DHRSX: variants seen among roughly 807,000 people sequenced by gnomAD.
DHRSX encodes dehydrogenase/reductase X-linked, also known as polyprenol dehydrogenase.
DHRSX carries 31 observed loss-of-function variants against 34.0 expected under a neutral mutation model. The ratio of observed to expected loss-of-function variants is 0.91; its 90% CI spans 0.69 to 1.23. The LOEUF (loss-of-function observed/expected upper bound fraction) is 1.23, where lower values mean the gene tolerates loss of function less well. Ranked by LOEUF, DHRSX falls within the 50% of genes most tolerant of loss-of-function variation. DHRSX has a pLI of 0.00. For synonymous variants in DHRSX, 201 were observed against 183.8 expected (o/e 1.09, Z -0.76); for missense variants, 414 against 428.1 (o/e 0.97, Z 0.29).
At position 2,270,954 on chromosome X, in the gene DHRSX, A is replaced by G. The variant is rs1211290902; in HGVS notation, c.389-4007T>C. Among the ~76,000 whole-genome samples, 3 of 150,152 alleles carry G rather than the reference A, an allele frequency of 2.0e-5. 1 individual carries two copies. The highest frequency in any genetic ancestry group is 7.5e-5 in the African/African-American group (3 of 40,082). On this transcript the variant is annotated intron_variant, in intron 4 of 6. Coordinates refer to ENST00000334651, the MANE Select transcript of DHRSX (RefSeq NM_145177.3). The stretch of plus-strand genomic sequence containing the variant: ...AATCAGCACTCTGTAAAATGGACCA[A>G]TCAGCACTCTGTAAAATGGACCAGT...
Position 2,220,934 on chromosome X carries a change from TG to T in DHRSX, c.*106del. On this transcript the variant is annotated 3_prime_UTR_variant, in exon 7 of 7. Coordinates refer to ENST00000334651, the MANE Select transcript of DHRSX (RefSeq NM_145177.3). ...CTCAAAACTAGAGGACAGAGCCCTGTGGGCAGGTGGGTGTGAGAAACTCAAA... is the reference window on the plus strand; with the variant it reads ...CTCAAAACTAGAGGACAGAGCCCTGTGGCAGGTGGGTGTGAGAAACTCAAA... 1 of 1,058,840 alleles carries T rather than the reference TG, an allele frequency of 9.4e-7. No homozygotes were observed. The highest frequency in any genetic ancestry group is 1.4e-6 in the Non-Finnish European group (1 of 724,108). 65.6% of individuals were successfully genotyped at this position (1,058,840 alleles called of 1,614,324 possible).
intron 3 of DHRSX, among the ~76,000 whole-genome samples, chrX:2,400,687 C>A (rs1469191873): frequency 2.0e-5 from 3 of 151,460 alleles, no homozygotes; most frequent in Non-Finnish European, 4.4e-5. Context: ...AAAACAACAA[C>A]CCTCATCTCT....
At chrX:2,312,396 A>G (rs753240389) in intron 3 of DHRSX, among the ~76,000 whole-genome samples, 7 of 152,252 alleles carry the variant, frequency 4.6e-5, no homozygotes, top group South Asian at 2.1e-4. Context: ...ATGCAGCCAT[A>G]AAAAAGGATG....
intron 3 of DHRSX, among the ~76,000 whole-genome samples, chrX:2,347,350 T>C (rs1451955467): frequency 6.6e-6 from 1 of 152,138 alleles, no homozygotes. Context: ...CCTGCCCCCA[T>C]GATTCGGTTA....
At chrX:2,413,761 T>C (rs781478704) in intron 2 of DHRSX, among the ~76,000 whole-genome samples, 1 of 152,218 alleles carries the variant, frequency 6.6e-6, no homozygotes, top group East Asian at 1.9e-4. Context: ...CAACTACACC[T>C]CATCATACTC....
At chrX:2,233,371 C>CT (rs372617994) in intron 6 of DHRSX, among the ~76,000 whole-genome samples, 10 of 149,556 alleles carry the variant, frequency 6.7e-5, no homozygotes, top group African/African-American at 1.2e-4. Context: ...TTATCTACAG[C>CT]TTTTTTTTTT....
intron 3 of DHRSX, among the ~76,000 whole-genome samples, chrX:2,403,856 C>CA (rs529721291): frequency 0.044 from 3,949 of 90,008 alleles, 141 homozygotes; most frequent in African/African-American, 0.12. Flanking sequence ...AACTCTGTCT[C>CA]AAAAAAAAAA....
At position 2,331,940 on chromosome X, in the gene DHRSX, A is replaced by C. The variant is rs910813370; in HGVS notation, c.287-40337T>G. Among the ~76,000 whole-genome samples, 75 of 152,248 alleles carry C rather than the reference A, an allele frequency of 4.9e-4. 1 individual carries two copies. The highest frequency in any genetic ancestry group is 2.3e-3 in the Admixed American group (35 of 15,268). The stretch of plus-strand genomic sequence containing the variant: ...CACCCTGATCAGTCCACAGCCAGCA[A>C]CATTGAGGCAAGACTCTCCACCAGC... On this transcript the variant is annotated intron_variant, in intron 3 of 6. Coordinates refer to ENST00000334651, the MANE Select transcript of DHRSX (RefSeq NM_145177.3).
intron 1 of DHRSX, among the ~76,000 whole-genome samples, chrX:2,467,246 A>T (rs1386297751): frequency 3.9e-5 from 6 of 152,128 alleles, no homozygotes; most frequent in East Asian, 1.9e-4. Flanking sequence ...TAGAAGGTGC[A>T]TGCCTGCTCT....
intron 3 of DHRSX, among the ~76,000 whole-genome samples, chrX:2,314,529 T>C (rs2042219392): frequency 8.2e-6 from 1 of 122,542 alleles, no homozygotes; most frequent in Non-Finnish European, 1.8e-5. Context: ...GGAAAGGCTA[T>C]TCTCTATAGA....
At chrX:2,399,282 G>A (rs1216490523) in intron 3 of DHRSX, among the ~76,000 whole-genome samples, 2 of 151,848 alleles carry the variant, frequency 1.3e-5, no homozygotes, top group Admixed American at 6.6e-5. Flanking sequence ...GAACGCATGA[G>A]TCTATCTGTT....
chrX:2,292,672 A>T (rs1010012772), intron 3 of DHRSX, among the ~76,000 whole-genome samples: 1 of 152,166 alleles, frequency 6.6e-6, no homozygotes, highest in Non-Finnish European at 1.5e-5. Flanking sequence ...CACGTTGCTG[A>T]ATCTGTGTTA....
chrX:2,378,149 C>G (rs1402999624), intron 3 of DHRSX, among the ~76,000 whole-genome samples: 2 of 152,208 alleles, frequency 1.3e-5, no homozygotes, highest in African/African-American at 4.8e-5. Context: ...GTATTTCCAC[C>G]CGGATGTGTT....
chrX:2,405,117 G>T (rs762848051), intron 3 of DHRSX, among the ~76,000 whole-genome samples: 1 of 150,948 alleles, frequency 6.6e-6, no homozygotes, highest in East Asian at 1.9e-4. Flanking sequence ...AGCAGCTTAG[G>T]GTAGAAAGGA....
At chrX:2,346,255 C>CCT (rs3215281) in intron 3 of DHRSX, among the ~76,000 whole-genome samples, 134,072 of 151,982 alleles carry the variant, frequency 0.88, 60,128 homozygotes, top group Non-Finnish European at 0.97. Flanking sequence ...CTGACATGCC[C>CCT]GAGTTGTTAT....
chrX:2,380,796 C>T (rs2043193778), intron 3 of DHRSX, among the ~76,000 whole-genome samples: 1 of 152,170 alleles, frequency 6.6e-6, no homozygotes, highest in Non-Finnish European at 1.5e-5. Flanking sequence ...GCTATGGTTT[C>T]AATGTCTGTG....
intron 3 of DHRSX, among the ~76,000 whole-genome samples, chrX:2,355,872 C>A: frequency 6.6e-6 from 1 of 151,028 alleles, no homozygotes; most frequent in Middle Eastern, 3.2e-3. Context: ...TTGAGACCAC[C>A]CAGGCCAACA....
At chrX:2,490,835 G>A (rs968436145) in intron 1 of DHRSX, 32 of 1,423,506 alleles carry the variant, frequency 2.2e-5, no homozygotes, top group East Asian at 6.9e-5. Flanking sequence ...GAGCCCTGCC[G>A]GGGAGACAGA....
chrX:2,346,280 T>C (rs2042710449), intron 3 of DHRSX, among the ~76,000 whole-genome samples: 1 of 152,088 alleles, frequency 6.6e-6, no homozygotes, highest in African/African-American at 2.4e-5. Context: ...CATCTTCCCC[T>C]GACTGTGAAT....
Sources: gnomAD v4.1 joint callset for allele counts (sites outside exome capture counted in the v4.1 genomes callset) on GRCh38, gnomAD v4.1.1 for gene constraint, MANE v1.5 for transcripts, NCBI Gene and HGNC (gene_info 2026-07-23, HGNC 2026-07-21) for gene names.